The following PNPLA3 variants were observed in gnomAD, a reference collection of about 807,000 sequenced individuals.
The protein encoded by PNPLA3 is patatin like domain 3, 1-acylglycerol-3-phosphate O-acyltransferase, also known as 1-acylglycerol-3-phosphate O-acyltransferase PNPLA3.
A neutral mutation model predicts 43.1 loss-of-function variants in PNPLA3; 42 were observed. The observed-to-expected ratio is 0.97, with a 90% confidence interval of 0.76 to 1.26. PNPLA3 has a LOEUF of 1.26. PNPLA3 is among the 50% of genes most tolerant of loss of function. The probability of loss-of-function intolerance (pLI) is 0.00; values close to 1 mark genes in which losing one functional copy is unlikely to be tolerated. For missense variants in PNPLA3, 647 were observed against 621.4 expected (o/e 1.04, Z -0.44); for synonymous variants, 272 against 253.6 (o/e 1.07, Z -0.69).
chr22:43,934,977 T>C (rs1436469642), intron 5 of PNPLA3, among the ~76,000 whole-genome samples: 1 of 152,166 alleles, frequency 6.6e-6, no homozygotes, highest in East Asian at 1.9e-4. Context: ...AGGCGGTTTT[T>C]CTTTCCAGCT....
In PNPLA3 at chr22:43,928,851, T is replaced by C. The variant is rs1355344392; in HGVS notation, c.448T>C (p.Phe150Leu). 1 of 1,612,522 alleles carries C rather than the reference T, an allele frequency of 6.2e-7. No homozygotes were observed. Among genetic ancestry groups the C allele is most frequent in the Non-Finnish European group, 8.5e-7 (1 of 1,178,616 alleles). Residue 150 changes from phenylalanine (F) to leucine (L), a missense_variant, in exon 3 of 9, where the codon TTC (phenylalanine) becomes CTC (leucine). Coordinates refer to ENST00000216180, the MANE Select transcript of PNPLA3 (RefSeq NM_025225.3). The part of the protein sequence containing the change: ...DALVCSCFIP[F>L]YSGLIPPSFR... ...CTTGGTATGTTCCTGCTTCATCCCCTTCTACAGTGGCCTTATCCCTCCTTC... is the reference window on the plus strand; with the variant it reads ...CTTGGTATGTTCCTGCTTCATCCCCCTCTACAGTGGCCTTATCCCTCCTTC...
chr22:43,927,797 C>T (rs192710091), intron 2 of PNPLA3, among the ~76,000 whole-genome samples: 194 of 152,212 alleles, frequency 1.3e-3, no homozygotes, highest in African/African-American at 4.1e-3. Context: ...TTTGTAGAGA[C>T]GGGGTTTTGC....
intron 3 of PNPLA3, among the ~76,000 whole-genome samples, chr22:43,930,125 G>T (rs2049952720): frequency 6.6e-6 from 1 of 152,148 alleles, no homozygotes; most frequent in South Asian, 2.1e-4. Context: ...CGCATTAGGA[G>T]CCTCCCATTA....
chr22:43,945,382 C>T (rs1467127619), intron 8 of PNPLA3, among the ~76,000 whole-genome samples: 1 of 152,162 alleles, frequency 6.6e-6, no homozygotes, highest in Non-Finnish European at 1.5e-5. Context: ...GAAACTGAGC[C>T]GGAGTTCAGG....
At chr22:43,930,252 G>A (rs1014953775) in intron 3 of PNPLA3, among the ~76,000 whole-genome samples, 1 of 152,132 alleles carries the variant, frequency 6.6e-6, no homozygotes, top group African/African-American at 2.4e-5. Context: ...AAAGAGCACG[G>A]CCAGCGAGCT....
chr22:43,924,236 C>T (rs1298441311), intron 1 of PNPLA3, 138 bp downstream of exon 1: 1 of 1,041,940 alleles, frequency 9.6e-7, no homozygotes, highest in Non-Finnish European at 1.3e-6. Context: ...ATCCCGAGGG[C>T]CCCCTCCGAG....
rs115043594 is a variant in PNPLA3, at chr22:43,946,514, T to C, written c.*132T>C. The C allele has an allele frequency of 3.2e-6, 3 of 949,446 alleles. No homozygotes were observed. Among genetic ancestry groups the C allele is most frequent in the South Asian group, 1.5e-5 (1 of 68,924 alleles). 58.8% of individuals were successfully genotyped at this position (949,446 alleles called of 1,614,324 possible). ...GGAGGATCCCAGCCTCTGAGCTGAG[T>C]TGGTTTTATGAAAAGCTAGGAAGCA... On this transcript the variant is annotated 3_prime_UTR_variant, in exon 9 of 9. Coordinates refer to ENST00000216180, the MANE Select transcript of PNPLA3 (RefSeq NM_025225.3).
intron 4 of PNPLA3, among the ~76,000 whole-genome samples, chr22:43,934,349 G>GA (rs796640318): frequency 0.016 from 2,463 of 149,592 alleles, 80 homozygotes; most frequent in African/African-American, 0.057. Context: ...AAAGTAAAAG[G>GA]AAAAAAAAGA....
intron 7 of PNPLA3, among the ~76,000 whole-genome samples, chr22:43,942,894 G>A (rs1051826696): frequency 6.6e-6 from 1 of 151,638 alleles, no homozygotes. Context: ...TTTGTAAGAT[G>A]GGATCTTACT....
chr22:43,924,352 C>T (rs2049907530), intron 1 of PNPLA3: 1 of 481,302 alleles, frequency 2.1e-6, no homozygotes, highest in Non-Finnish European at 3.6e-6. Context: ...CCCACCCCTA[C>T]CCCCATCAGG....
chr22:43,933,384 A>AT (rs919161335), intron 4 of PNPLA3, among the ~76,000 whole-genome samples: 5 of 151,420 alleles, frequency 3.3e-5, no homozygotes, highest in East Asian at 3.9e-4. Context: ...AGTTATAAAG[A>AT]TTTTTTTTTG....
chr22:43,924,187 C>T, intron 1 of PNPLA3, 89 bp downstream of exon 1: 2 of 1,332,234 alleles, frequency 1.5e-6, no homozygotes, highest in South Asian at 3.5e-5. Flanking sequence ...TCGCGGGGCC[C>T]TGGAGGAGCG....
chr22:43,934,698 C>T, intron 5 of PNPLA3, 32 bp downstream of exon 5: 1 of 1,582,426 alleles, frequency 6.3e-7, no homozygotes, highest in Non-Finnish European at 8.7e-7. Flanking sequence ...CAGCCATGCC[C>T]TTTTGACAAG....
chr22:43,928,075 T>A (rs738407), intron 2 of PNPLA3, among the ~76,000 whole-genome samples: 3 of 152,072 alleles, frequency 2.0e-5, no homozygotes, highest in Non-Finnish European at 4.4e-5. Flanking sequence ...AGAAGATAAT[T>A]TGTAATACCA....
chr22:43,945,128 A>G (rs945200847), intron 8 of PNPLA3, among the ~76,000 whole-genome samples: 2 of 152,104 alleles, frequency 1.3e-5, no homozygotes, highest in African/African-American at 4.8e-5. Context: ...AGGACTGGGG[A>G]GTGTCAGATA....
At position 43,934,593 on chromosome 22, in the gene PNPLA3, G is replaced by A. The variant is rs752530166; in HGVS notation, c.697-13G>A. On this transcript the variant is annotated splice_polypyrimidine_tract_variant and intron_variant, in intron 4 of 8. Transcript: ENST00000216180. ...TCTCCCTGCTGTAGTCCCCTTGCTT[G>A]CTTTGCTCACAGGTGCTGGGAGAGA... 1 of 1,612,050 alleles carries A rather than the reference G, an allele frequency of 6.2e-7. No homozygotes were observed.
chr22:43,930,132 A>G (rs972082173), intron 3 of PNPLA3, among the ~76,000 whole-genome samples: 1 of 152,170 alleles, frequency 6.6e-6, no homozygotes, highest in Non-Finnish European at 1.5e-5. Context: ...GGAGCCTCCC[A>G]TTACAGACTA....
chr22:43,927,531 C>T (rs2049932426), intron 2 of PNPLA3, among the ~76,000 whole-genome samples: 1 of 151,550 alleles, frequency 6.6e-6, no homozygotes. Context: ...TTGGAAGCAA[C>T]ACAGGCAGTT....
At chr22:43,929,354 T>C (rs1299119867) in intron 3 of PNPLA3, among the ~76,000 whole-genome samples, 1 of 151,536 alleles carries the variant, frequency 6.6e-6, no homozygotes. Context: ...TGTGCACCTG[T>C]AATCCCAGCT....
Sources: allele counts gnomAD v4.1 joint callset (sites outside exome capture counted in the v4.1 genomes callset), GRCh38; gene constraint gnomAD v4.1.1; transcripts MANE v1.5; gene names NCBI Gene and HGNC (gene_info 2026-07-23, HGNC 2026-07-21).